GLG1: variants seen among roughly 807,000 people sequenced by gnomAD.
GLG1 encodes golgi glycoprotein 1.
Under a neutral mutation model 160.5 loss-of-function variants are expected in GLG1, and 38 were observed. That is an observed-to-expected ratio of 0.24 (90% CI 0.18 to 0.31). The LOEUF (loss-of-function observed/expected upper bound fraction) is 0.31, where lower values mean the gene tolerates loss of function less well. Ranked by LOEUF, GLG1 falls within the 10% of genes least tolerant of loss-of-function variation. GLG1 has a pLI of 1.00. For synonymous variants in GLG1, 644 were observed against 543.4 expected, an observed-to-expected ratio of 1.19 and a Z score of -2.57; for missense variants, 1,373 against 1,505.2, an observed-to-expected ratio of 0.91 and a Z score of 1.45.
Position 74,533,178 on chromosome 16 carries a change from G to A in GLG1, c.439-1025C>T, listed in dbSNP as rs185367911. ...TACTAAAAATACAAAAAAATTAGCCGGGCGTGGTGGCAGGCGCCTGTAGTC... is the reference window on the plus strand; with the variant it reads ...TACTAAAAATACAAAAAAATTAGCCAGGCGTGGTGGCAGGCGCCTGTAGTC... On this transcript the variant is annotated intron_variant, in intron 1 of 25. Coordinates refer to ENST00000422840, the MANE Select transcript of GLG1 (RefSeq NM_001145667.2). Among the ~76,000 whole-genome samples the A allele has an allele frequency of 2.3e-3, 343 of 151,982 alleles. 1 individual carries two copies. The highest frequency in any genetic ancestry group is 7.3e-3 in the African/African-American group (303 of 41,442).
At chr16:74,486,148 C>G (rs1211120095) in intron 8 of GLG1, among the ~76,000 whole-genome samples, 1 of 152,224 alleles carries the variant, frequency 6.6e-6, no homozygotes, top group African/African-American at 2.4e-5. Flanking sequence ...GACTGCTTAT[C>G]TTTGTTCTCA....
intron 2 of GLG1, among the ~76,000 whole-genome samples, chr16:74,525,795 T>A (rs142479247): frequency 1.3e-5 from 2 of 150,622 alleles, no homozygotes; most frequent in African/African-American, 4.9e-5. Context: ...TTTTCTCTCA[T>A]TGTATAGGCT....
intron 2 of GLG1, 41 bp from the exon 3 acceptor site, chr16:74,508,966 G>T: frequency 1.2e-6 from 1 of 822,182 alleles, no homozygotes; most frequent in East Asian, 2.4e-5. Context: ...AAAAACTCCA[G>T]TTAGAACAGT....
chr16:74,558,298 G>A (rs1247276750), intron 1 of GLG1, among the ~76,000 whole-genome samples: 13 of 152,120 alleles, frequency 8.5e-5, no homozygotes, highest in Admixed American at 8.5e-4. Flanking sequence ...ATTGGATTTG[G>A]GGGAAAATGC....
chr16:74,583,738 T>C (rs1957987243), intron 1 of GLG1, among the ~76,000 whole-genome samples: 1 of 152,090 alleles, frequency 6.6e-6, no homozygotes, highest in Non-Finnish European at 1.5e-5. Flanking sequence ...TCAATCATCA[T>C]CTTCTCAGGG....
rs182721311 is a variant in GLG1 at position 74,577,415 on chromosome 16, G to A, written c.438+29242C>T. Among the ~76,000 whole-genome samples, 5 of 151,646 alleles carry A rather than the reference G, an allele frequency of 3.3e-5. No individual in the cohort carries two copies. In the East Asian group the frequency reaches 5.9e-4, roughly 18 times the overall value. On this transcript the variant is annotated intron_variant, in intron 1 of 25. Coordinates refer to ENST00000422840, the MANE Select transcript of GLG1 (RefSeq NM_001145667.2). ...CAGGCACCTGTAATCCCAGCTACTC[G>A]GGAGGCTGAGACAGGAGAATCGCTT...
intron 2 of GLG1, among the ~76,000 whole-genome samples, chr16:74,509,266 G>A (rs1025786643): frequency 1.4e-5 from 2 of 147,734 alleles, no homozygotes; most frequent in African/African-American, 2.5e-5. Flanking sequence ...TCCACCTCTC[G>A]GGTTCAAGCG....
intron 1 of GLG1, among the ~76,000 whole-genome samples, chr16:74,595,032 C>A (rs1033653984): frequency 9.3e-5 from 14 of 151,308 alleles, no homozygotes; most frequent in African/African-American, 3.2e-4. Context: ...ACTAAAAATA[C>A]AAAAAATTAG....
intron 2 of GLG1, among the ~76,000 whole-genome samples, chr16:74,517,442 T>C (rs12444651): frequency 0.96 from 145,661 of 152,244 alleles, 70,024 homozygotes; most frequent in East Asian, 1. Context: ...GAATCAGTAA[T>C]AAAAACCACA....
At chr16:74,483,824 AT>A (rs1021273922) in intron 9 of GLG1, among the ~76,000 whole-genome samples, 2 of 151,286 alleles carry the variant, frequency 1.3e-5, no homozygotes, top group Non-Finnish European at 3.0e-5. Flanking sequence ...CGCCCGGCTA[AT>A]TTTTTTTGTA....
chr16:74,518,287 C>T lies in GLG1; in HGVS notation c.472-9362G>A, dbSNP rs573065942. 1.7e-4 allele frequency among the ~76,000 whole-genome samples: 26 copies of T among 152,146 alleles called. No homozygotes were observed. In the South Asian group the frequency reaches 4.4e-3, roughly 26 times the overall value. On this transcript the variant is annotated intron_variant, in intron 2 of 25. Coordinates refer to ENST00000422840, the MANE Select transcript of GLG1 (RefSeq NM_001145667.2). ...ACAAAGTTGGAGGCATCATGCTACCCGACTTCGAACTATACTACAAGGCTA... is the reference window on the plus strand; with the variant it reads ...ACAAAGTTGGAGGCATCATGCTACCTGACTTCGAACTATACTACAAGGCTA...
chr16:74,539,249 T>C lies in GLG1; in HGVS notation c.439-7096A>G, dbSNP rs1317588090. 5.3e-5 allele frequency among the ~76,000 whole-genome samples: 8 copies of C among 150,828 alleles called. No homozygotes were observed. The South Asian group carries it at 8.5e-4, about 16-fold the overall frequency. On this transcript the variant is annotated intron_variant, in intron 1 of 25. Transcript: ENST00000422840. ...AGTGTCATAATTTGATTTACTTTTA[T>C]TACTTGTGTGCTTCCCAAGTGGACG...
chr16:74,602,457 A>C (rs1165635242), intron 1 of GLG1, among the ~76,000 whole-genome samples: 2 of 152,216 alleles, frequency 1.3e-5, no homozygotes, highest in Non-Finnish European at 2.9e-5. Flanking sequence ...TTTGCTTTTA[A>C]ATATGCCAGC....
In GLG1 at chr16:74,468,972, G is replaced by A; in HGVS notation, c.2410C>T (p.Gln804Ter). ...ATCTCCAGCTCCTCCACACGGAGCTGCCTGCGGCACTTCAGGGACACCCTG... is the reference window on the plus strand; with the variant it reads ...ATCTCCAGCTCCTCCACACGGAGCTACCTGCGGCACTTCAGGGACACCCTG... ...EHRVSLKCRRQLRVEELEMTE... is the reference protein window; with the variant it reads ...EHRVSLKCRR The change falls in exon 17 of 26, where the codon CAG becomes TAG. Residue 804 changes from glutamine (Q) to a stop codon, truncating the protein, a stop_gained. Coordinates refer to ENST00000422840, the MANE Select transcript of GLG1 (RefSeq NM_001145667.2). LOFTEE classifies it high-confidence loss of function. 1 of 1,609,578 alleles carries A rather than the reference G, an allele frequency of 6.2e-7. No homozygotes were observed. Among genetic ancestry groups the A allele is most frequent in the Non-Finnish European group, 8.5e-7 (1 of 1,175,798 alleles).
intron 1 of GLG1, among the ~76,000 whole-genome samples, chr16:74,573,061 T>G (rs2018881050): frequency 6.6e-6 from 1 of 152,130 alleles, no homozygotes; most frequent in African/African-American, 2.4e-5. Flanking sequence ...GTGCCAGAAG[T>G]GTTGAGTGAC....
At chr16:74,589,452 T>G (rs1373723202) in intron 1 of GLG1, among the ~76,000 whole-genome samples, 1 of 152,056 alleles carries the variant, frequency 6.6e-6, no homozygotes, top group Non-Finnish European at 1.5e-5. Context: ...TGGGAAATAT[T>G]TTGGTGCAGC....
chr16:74,524,000 G>T (rs982934284), intron 2 of GLG1, among the ~76,000 whole-genome samples: 1 of 152,086 alleles, frequency 6.6e-6, no homozygotes, highest in African/African-American at 2.4e-5. Flanking sequence ...ATCACCTGAG[G>T]TCAGGAGTTT....
At chr16:74,494,713 T>C (rs1441847202) in intron 6 of GLG1, 47 bp downstream of exon 6, 1 of 924,674 alleles carries the variant, frequency 1.1e-6, no homozygotes, top group Admixed American at 1.7e-5. Context: ...CTGAGAAAGC[T>C]TTTAAAAAAC....
At chr16:74,478,663 G>A (rs1033494002) in intron 11 of GLG1, among the ~76,000 whole-genome samples, 4 of 152,088 alleles carry the variant, frequency 2.6e-5, no homozygotes, top group African/African-American at 9.7e-5. Flanking sequence ...TGTAATCCCA[G>A]CTCTTTGGGA....
Sources: gnomAD v4.1 joint callset for allele counts (sites outside exome capture counted in the v4.1 genomes callset) on GRCh38, gnomAD v4.1.1 for gene constraint, MANE v1.5 for transcripts, NCBI Gene and HGNC (gene_info 2026-07-23, HGNC 2026-07-21) for gene names.